The following HEATR5B variants were observed in gnomAD, a reference collection of about 807,000 sequenced individuals.
The protein encoded by HEATR5B is HEAT repeat containing 5B.
Under a neutral mutation model 224.1 loss-of-function variants are expected in HEATR5B, and 156 were observed. That is an observed-to-expected ratio of 0.70 (90% CI 0.61 to 0.80). The LOEUF (loss-of-function observed/expected upper bound fraction) is 0.80, where lower values mean the gene tolerates loss of function less well. Ranked by LOEUF, HEATR5B falls within the 30% of genes least tolerant of loss-of-function variation. The pLI, the probability that HEATR5B is intolerant of heterozygous loss-of-function variation, is 0.00. For synonymous variants in HEATR5B, 1,027 were observed against 893.0 expected (o/e 1.15, Z -2.68); for missense variants, 2,323 against 2,535.5 (o/e 0.92, Z 1.80).
intron 13 of HEATR5B, 50 bp from the exon 14 acceptor site, chr2:37,058,610 C>T: frequency 7.7e-7 from 1 of 1,297,844 alleles, no homozygotes; most frequent in Non-Finnish European, 1.1e-6. Context: ...ATAAGTATTA[C>T]TTATAAATTT....
At chr2:37,047,220 G>A (rs919728352) in intron 18 of HEATR5B, among the ~76,000 whole-genome samples, 11 of 151,644 alleles carry the variant, frequency 7.3e-5, no homozygotes, top group African/African-American at 2.4e-4. Flanking sequence ...TGAATGAAGT[G>A]AAGTAGGTCT....
At position 37,057,340 on chromosome 2, in the gene HEATR5B, C is replaced by T; in HGVS notation, c.2200G>A (p.Asp734Asn). 6.2e-7 allele frequency: 1 copy of T among 1,604,968 alleles called. No individual in the cohort carries two copies. The highest frequency in any genetic ancestry group is 8.5e-7 in the Non-Finnish European group (1 of 1,177,138). Residue 734 changes from aspartate to asparagine, a missense_variant, in exon 15 of 36, where the codon GAT becomes AAT. By Grantham distance (23) the Asp-to-Asn change is conservative. This residue lies in a region of HEATR5B where 170 missense variants were observed against 216.7 expected (regional missense o/e 0.78). Coordinates refer to ENST00000233099, the MANE Select transcript of HEATR5B (RefSeq NM_019024.3). ...VLLGSWLQET[D>N]HKSIEDQLQP... is the part of the protein sequence containing the mutation. Reference sequence around the variant, plus strand: ...ACCTGGTCTTCAATTGATTTATGATCAGTTTCCTGAAGCCAAGAACCAAGA... The same window carrying T: ...ACCTGGTCTTCAATTGATTTATGATTAGTTTCCTGAAGCCAAGAACCAAGA...
chr2:36,988,315 T>G (rs1464260221), intron 35 of HEATR5B, among the ~76,000 whole-genome samples: 3 of 151,538 alleles, frequency 2.0e-5, no homozygotes, highest in Admixed American at 6.6e-5. Flanking sequence ...CAGGCTGGAG[T>G]GCGCTGGCAT....
chr2:37,020,600 T>G, intron 25 of HEATR5B, 55 bp downstream of exon 25: 1 of 1,344,842 alleles, frequency 7.4e-7, no homozygotes. Context: ...CTGCACTTCT[T>G]CAGCAATCTT....
chr2:36,989,698 G>C (rs1464078340), intron 34 of HEATR5B, among the ~76,000 whole-genome samples: 2 of 152,068 alleles, frequency 1.3e-5, no homozygotes, highest in Admixed American at 1.3e-4. Flanking sequence ...AGGAAGGAAA[G>C]AAGGAAGAGA....
chr2:37,059,418 G>A (rs1360722119), intron 12 of HEATR5B, among the ~76,000 whole-genome samples: 1 of 74,718 alleles, frequency 1.3e-5, no homozygotes, highest in Non-Finnish European at 2.5e-5. Context: ...GTGTGTGTGT[G>A]TGTGTGTGTG....
chr2:37,024,769 A>G (rs1056840473), intron 24 of HEATR5B, among the ~76,000 whole-genome samples: 1 of 152,208 alleles, frequency 6.6e-6, no homozygotes, highest in South Asian at 2.1e-4. Context: ...TACAAAGTCT[A>G]GGACTATATC....
Position 37,062,065 on chromosome 2 carries a change from T to C in HEATR5B, c.1585-15A>G. On this transcript the variant is annotated splice_polypyrimidine_tract_variant and intron_variant, in intron 10 of 35. Coordinates refer to ENST00000233099, the MANE Select transcript of HEATR5B (RefSeq NM_019024.3). ...CTAACTACCATCTGCAAGAAAAGTTTAGAATTGGATTTTAATTCAAACAAG... is the reference window on the plus strand; with the variant it reads ...CTAACTACCATCTGCAAGAAAAGTTCAGAATTGGATTTTAATTCAAACAAG... 7.1e-7 allele frequency: 1 copy of C among 1,416,024 alleles called. No homozygotes were observed. The allele number at this position is 1,416,024 out of a possible 1,614,324, so 87.7% of individuals were successfully genotyped here. A position where few individuals can be genotyped will look rare whatever the true frequency, so the allele number is the denominator to read the frequency against.
intron 24 of HEATR5B, among the ~76,000 whole-genome samples, chr2:37,026,161 A>C (rs1482623857): frequency 6.6e-6 from 1 of 152,192 alleles, no homozygotes; most frequent in African/African-American, 2.4e-5. Flanking sequence ...AGCATCAGAG[A>C]GATTTAACGC....
chr2:37,005,626 C>CG lies in HEATR5B; in HGVS notation c.4905+5_4905+6insC. 1 of 1,612,882 alleles carries CG rather than the reference C, an allele frequency of 6.2e-7. No individual in the cohort carries two copies. The highest frequency in any genetic ancestry group is 8.5e-7 in the Non-Finnish European group (1 of 1,179,172). Reference sequence around the variant, plus strand: ...CACAAGTATCTATCATAGCAATACACTGTACCTGATCTTCTGCAATATGGA... The same window carrying CG: ...CACAAGTATCTATCATAGCAATACACGTGTACCTGATCTTCTGCAATATGGA... On this transcript the variant is annotated splice_donor_region_variant and intron_variant, in intron 30 of 35. Transcript: ENST00000233099.
chr2:37,049,908 T>C, intron 17 of HEATR5B, 65 bp from the exon 18 acceptor site: 1 of 1,398,602 alleles, frequency 7.2e-7, no homozygotes, highest in African/African-American at 1.5e-5. Context: ...ATTTTTTTTT[T>C]AAGGCAAGGT....
At position 37,060,602 on chromosome 2, in the gene HEATR5B, C is replaced by T; in HGVS notation, c.1828G>A (p.Gly610Ser). ...DSFTWQVTLEGRAGALCAMRS... is the reference protein window; with the variant it reads ...DSFTWQVTLESRAGALCAMRS... ...TTACCACATAGAGCTCCAGCACGAC[C>T]TTCCAAAGTTACCTGCCAGGTAAAA... Residue 610 changes from glycine (G) to serine (S), a missense_variant, in exon 12 of 36, where the codon GGT becomes AGT. Coordinates refer to ENST00000233099, the MANE Select transcript of HEATR5B (RefSeq NM_019024.3). 1 of 1,613,724 alleles carries T rather than the reference C, an allele frequency of 6.2e-7. No individual in the cohort carries two copies. Among genetic ancestry groups the T allele is most frequent in the Non-Finnish European group, 8.5e-7 (1 of 1,179,762 alleles).
At chr2:37,037,154 A>G (rs2706814) in intron 21 of HEATR5B, among the ~76,000 whole-genome samples, 2,040 of 136,890 alleles carry the variant, frequency 0.015, 187 homozygotes, top group African/African-American at 0.052. Context: ...TGATATATAT[A>G]TATATTTTGG....
Position 37,038,012 on chromosome 2 carries a change from G to A in HEATR5B, c.3059C>T (p.Thr1020Ile). 1 of 1,536,562 alleles carries A rather than the reference G, an allele frequency of 6.5e-7. No individual in the cohort carries two copies. Among genetic ancestry groups the A allele is most frequent in the Non-Finnish European group, 8.8e-7 (1 of 1,136,438 alleles). ...VGPELQGNGA[T>I]TSTIRSSCLV... ...ACAAGAGGAACGAATTGTAGAAGTT[G>A]TTGCTCCATTCCCTGGTGCAAAATG... Residue 1020 changes from threonine (T) to isoleucine (I), a missense_variant, in exon 21 of 36, where the codon ACA (threonine) becomes ATA (isoleucine). Around this residue, in one of 12 missense-constraint regions of HEATR5B, gnomAD observed 88 missense variants for 86.8 expected, o/e 1.01. Coordinates refer to ENST00000233099, the MANE Select transcript of HEATR5B (RefSeq NM_019024.3).
chr2:37,079,346 AT>A lies in HEATR5B; in HGVS notation c.127-16del. On this transcript the variant is annotated splice_polypyrimidine_tract_variant and intron_variant, in intron 2 of 35. Transcript: ENST00000233099. Reference sequence around the variant, plus strand: ...TTTACATCGGTCTGTTACAAAAAAAATTTTTAAAAGAACATCATTAAAAATT... The same window carrying A: ...TTTACATCGGTCTGTTACAAAAAAAATTTTAAAAGAACATCATTAAAAATT... 1 of 1,512,180 alleles carries A rather than the reference AT, an allele frequency of 6.6e-7. No homozygotes were observed. The allele number at this position is 1,512,180 out of a possible 1,614,324, so 93.7% of individuals were successfully genotyped here. A position where few individuals can be genotyped will look rare whatever the true frequency, so the allele number is the denominator to read the frequency against.
At chr2:37,072,002 G>A (rs12621276) in intron 6 of HEATR5B, 108 bp downstream of exon 6, 256,254 of 905,214 alleles carry the variant, frequency 0.28, 38,268 homozygotes, top group African/African-American at 0.48. Flanking sequence ...TCATTTTATG[G>A]AAAAGTAGAC....
At chr2:37,003,241 A>C (rs1419353979) in intron 31 of HEATR5B, among the ~76,000 whole-genome samples, 1 of 134,612 alleles carries the variant, frequency 7.4e-6, no homozygotes, top group Admixed American at 8.0e-5. Flanking sequence ...GGCTCTTGAG[A>C]GTAAGACTGT....
At chr2:36,997,750 T>C (rs909808887) in intron 33 of HEATR5B, among the ~76,000 whole-genome samples, 3 of 151,894 alleles carry the variant, frequency 2.0e-5, no homozygotes, top group African/African-American at 7.3e-5. Context: ...GTATCTTTAG[T>C]AGAGACGGGG....
chr2:37,017,502 T>C (rs561964862), intron 26 of HEATR5B, among the ~76,000 whole-genome samples: 3 of 150,404 alleles, frequency 2.0e-5, no homozygotes, highest in Admixed American at 1.3e-4. Flanking sequence ...CTGGCCAACA[T>C]GATGCAACCC....
Sources: allele counts gnomAD v4.1 joint callset (sites outside exome capture counted in the v4.1 genomes callset), GRCh38; gene constraint gnomAD v4.1.1; regional missense constraint gnomAD v4.1.1; transcripts MANE v1.5; gene names NCBI Gene and HGNC (gene_info 2026-07-23, HGNC 2026-07-21).